Variants in LRRK1 observed in about 807,000 individuals in gnomAD.
LRRK1 encodes the protein leucine-rich repeat serine/threonine-protein kinase 1.
A neutral mutation model predicts 209.1 loss-of-function variants in LRRK1; 113 were observed. That is an observed-to-expected ratio of 0.54 (90% CI 0.46 to 0.63). The LOEUF is 0.63. Ranked by LOEUF, LRRK1 falls within the 30% of genes least tolerant of loss-of-function variation. The pLI is 0.00. For missense variants in LRRK1, 2,284 were observed against 2,632.2 expected (o/e 0.87, Z 2.89); for synonymous variants, 1,144 against 1,099.7 (o/e 1.04, Z -0.80).
rs1020911944 is a variant in LRRK1, at chr15:101,075,627, C to T, written c.*6779C>T. On this transcript the variant is annotated 3_prime_UTR_variant, in exon 34 of 34. Coordinates refer to ENST00000388948, the MANE Select transcript of LRRK1 (RefSeq NM_024652.6). ...GCCTATAAACTCTCCTTACAATTCC[C>T]CCATTTCACTTGTCCTAAAACCAGA... The T allele has an allele frequency of 2.0e-5, 3 of 149,892 alleles. No individual in the cohort carries two copies. Among genetic ancestry groups the T allele is most frequent in the African/African-American group, 7.6e-5 (3 of 39,438 alleles). The allele number at this position is 149,892 out of a possible 1,614,324, so 9.3% of individuals were successfully genotyped here.
At chr15:100,956,447 T>TC (rs2042759561) in intron 2 of LRRK1, among the ~76,000 whole-genome samples, 1 of 52,118 alleles carries the variant, frequency 1.9e-5, no homozygotes, top group African/African-American at 7.3e-5. Context: ...TTCTTTCCTT[T>TC]TTTTTTTCTT....
In LRRK1 at chr15:100,962,808, T is replaced by TGC. The variant is rs2030105284; in HGVS notation, c.98-10996_98-10995insGC. On this transcript the variant is annotated intron_variant, in intron 2 of 33. Coordinates refer to ENST00000388948, the MANE Select transcript of LRRK1 (RefSeq NM_024652.6). ...ATTTCATTTTGCATATATATATATA[T>TGC]ATATATATATATATATTTTTTTTTT... is the stretch of plus-strand genomic sequence containing the variant. Among the ~76,000 whole-genome samples, 8 of 28,698 alleles carry TGC rather than the reference T, an allele frequency of 2.8e-4. 2 individuals are homozygous for TGC. The highest frequency in any genetic ancestry group is 5.5e-4 in the Non-Finnish European group (7 of 12,620). The allele number at this position is 28,698 out of a possible 152,430, so 18.8% of individuals were successfully genotyped here. A position where few individuals can be genotyped will look rare whatever the true frequency, so the allele number is the denominator to read the frequency against.
Position 100,924,570 on chromosome 15 carries a change from C to T in LRRK1, c.-63C>T. The stretch of plus-strand genomic sequence containing the variant: ...GTCCACGCCTTAATGCACCCCACAG[C>T]CAGCGGCAGTGGCAGTGACAACAGC... On this transcript the variant is annotated 5_prime_UTR_variant, in exon 2 of 34. Coordinates refer to ENST00000388948, the MANE Select transcript of LRRK1 (RefSeq NM_024652.6). 1 of 1,464,866 alleles carries T rather than the reference C, an allele frequency of 6.8e-7. No individual in the cohort carries two copies. The highest frequency in any genetic ancestry group is 9.6e-7 in the Non-Finnish European group (1 of 1,045,894). The allele number at this position is 1,464,866 out of a possible 1,614,324, so 90.7% of individuals were successfully genotyped here. A position where few individuals can be genotyped will look rare whatever the true frequency, so the allele number is the denominator to read the frequency against.
At chr15:101,011,321 A>T (rs2033228667) in intron 9 of LRRK1, among the ~76,000 whole-genome samples, 2 of 151,542 alleles carry the variant, frequency 1.3e-5, no homozygotes, top group African/African-American at 2.4e-5. Flanking sequence ...AAAAAAAAAA[A>T]AAAAATAAGC....
chr15:101,008,714 C>T, intron 6 of LRRK1, 123 bp from the exon 7 acceptor site: 3 of 762,714 alleles, frequency 3.9e-6, no homozygotes, highest in Non-Finnish European at 6.6e-6. Context: ...GTGCAGGCCT[C>T]TTGGGACCCG....
At position 101,063,271 on chromosome 15, in the gene LRRK1, G is replaced by A. The variant is rs530858354; in HGVS notation, c.4914+581G>A. 1.8e-4 allele frequency among the ~76,000 whole-genome samples: 28 copies of A among 152,332 alleles called. No homozygotes were observed. In the South Asian group the frequency reaches 5.8e-3, roughly 32 times the overall value. On this transcript the variant is annotated intron_variant, in intron 31 of 33. Coordinates refer to ENST00000388948, the MANE Select transcript of LRRK1 (RefSeq NM_024652.6). Reference sequence around the variant, plus strand: ...GGCCCAGCCAGCTGTGCTGCACCTTGGGATTAGCCCCAGCCTCTATGAGGC... The same window carrying A: ...GGCCCAGCCAGCTGTGCTGCACCTTAGGATTAGCCCCAGCCTCTATGAGGC...
At chr15:100,990,964 T>C (rs2032131813) in intron 6 of LRRK1, among the ~76,000 whole-genome samples, 1 of 152,244 alleles carries the variant, frequency 6.6e-6, no homozygotes. Context: ...ATTTAGTTTT[T>C]ACATTTTAAG....
Position 101,065,569 on chromosome 15 carries a change from C to T in LRRK1, c.5132C>T (p.Pro1711Leu), listed in dbSNP as rs758909087. 8 of 1,614,198 alleles carry T rather than the reference C, an allele frequency of 5.0e-6. No individual in the cohort carries two copies. Among genetic ancestry groups the T allele is most frequent in the East Asian group, 4.5e-5 (2 of 44,882 alleles). ...TCTGAGGTCTGGTACAGCAATGGGC[C>T]GGGCCTCCTTGTCATCGACTGTGCC... The part of the protein sequence containing the change: ...SGSEVWYSNG[P>L]GLLVIDCASL... Residue 1711 changes from proline (P) to leucine (L), a missense_variant, in exon 32 of 34, where the codon CCG becomes CTG. Physicochemically the swap from Pro to Leu is moderately conservative, Grantham distance 98. Transcript: ENST00000388948.
chr15:100,919,817 C>G lies in LRRK1; in HGVS notation c.-123+366C>G, dbSNP rs940324849. On this transcript the variant is annotated intron_variant, in intron 1 of 33. Transcript: ENST00000388948. This position sits in a 1 kb window ranked among gnomAD's most constrained non-coding sequence, Gnocchi z 5.8. ...GGCAAGAGACACGAGTCGGGAGACA[C>G]GAGCCGGGGAGCCCATAGGTTTCCT... Among the ~76,000 whole-genome samples the G allele has an allele frequency of 6.6e-5, 10 of 152,152 alleles. No homozygotes were observed. Among genetic ancestry groups the G allele is most frequent in the Non-Finnish European group, 1.5e-4 (10 of 68,002 alleles).
At chr15:100,957,619 G>A (rs1168383728) in intron 2 of LRRK1, among the ~76,000 whole-genome samples, 1 of 152,072 alleles carries the variant, frequency 6.6e-6, no homozygotes, top group African/African-American at 2.4e-5. Context: ...CCATTCTTTA[G>A]CTCTTTTGGT....
intron 7 of LRRK1, among the ~76,000 whole-genome samples, chr15:101,010,159 T>TGAGG: frequency 6.6e-6 from 1 of 152,336 alleles, no homozygotes; most frequent in South Asian, 2.1e-4. Context: ...TCTCAGCAGC[T>TGAGG]TTCAGGGAAC....
At chr15:100,989,211 C>A in intron 5 of LRRK1, 39 bp from the exon 6 acceptor site, 1 of 1,585,280 alleles carries the variant, frequency 6.3e-7, no homozygotes, top group Non-Finnish European at 8.6e-7. Flanking sequence ...GTGACACTAG[C>A]ATCTGCATGC....
rs780134153 is a variant in LRRK1 at position 101,051,898 on chromosome 15, G to A, written c.3627G>A (p.Pro1209=). ...ERDFISCPRH[P]DLPVPLQELV... ...ACTTCATCTCCTGCCCCAGACACCC[G>A]GACCTCCCCGTGCCGCTGCAGGAGC... The change falls in exon 24 of 34, where the codon CCG becomes CCA. Residue 1209 remains proline (P), a synonymous_variant. Transcript: ENST00000388948. The A allele has an allele frequency of 1.4e-5, 22 of 1,613,892 alleles. No individual in the cohort carries two copies. The highest frequency in any genetic ancestry group is 5.0e-5 in the Admixed American group (3 of 59,996).
At chr15:100,965,678 C>G (rs2030405025) in intron 2 of LRRK1, among the ~76,000 whole-genome samples, 1 of 151,970 alleles carries the variant, frequency 6.6e-6, no homozygotes, top group South Asian at 2.1e-4. Context: ...AAAAATCAAA[C>G]TAGCAACACC....
At chr15:100,992,110 G>C (rs1029711755) in intron 6 of LRRK1, among the ~76,000 whole-genome samples, 8 of 151,994 alleles carry the variant, frequency 5.3e-5, no homozygotes, top group Admixed American at 2.6e-4. Context: ...TGTGTTTATA[G>C]GTGAATTGAT....
intron 6 of LRRK1, among the ~76,000 whole-genome samples, chr15:101,004,927 G>C (rs2032871616): frequency 6.6e-6 from 1 of 152,240 alleles, no homozygotes; most frequent in Non-Finnish European, 1.5e-5. Context: ...ATGGTCCCCA[G>C]AGTTTTATTT....
intron 2 of LRRK1, among the ~76,000 whole-genome samples, chr15:100,945,473 G>T (rs1378097431): frequency 1.5e-5 from 2 of 135,828 alleles, no homozygotes; most frequent in African/African-American, 2.7e-5. Context: ...AACTATCTCT[G>T]CAGAGCCTCT....
intron 20 of LRRK1, among the ~76,000 whole-genome samples, chr15:101,040,717 A>G (rs1374278819): frequency 6.6e-6 from 1 of 152,180 alleles, no homozygotes; most frequent in Non-Finnish European, 1.5e-5. Flanking sequence ...TTGTGTTTTT[A>G]TCATTTAGTT....
chr15:101,052,002 A>AG (rs761251872), intron 24 of LRRK1, 42 bp downstream of exon 24: 121 of 1,591,452 alleles, frequency 7.6e-5, no homozygotes, highest in Non-Finnish European at 9.6e-5. Flanking sequence ...TGCAGGTCAC[A>AG]GGGGGCGTTC....
Sources: allele counts gnomAD v4.1 joint callset (sites outside exome capture counted in the v4.1 genomes callset), GRCh38; gene constraint gnomAD v4.1.1; non-coding constraint Gnocchi (gnomAD v3.1); transcripts MANE v1.5; gene names NCBI Gene and HGNC (gene_info 2026-07-23, HGNC 2026-07-21).